Variants in PADI4 observed in about 807,000 individuals in gnomAD.
PADI4 encodes the protein protein-arginine deiminase type-4.
Under a neutral mutation model 75.0 loss-of-function variants are expected in PADI4, and 62 were observed. The observed-to-expected ratio is 0.83, with a 90% confidence interval of 0.67 to 1.02. PADI4 has a LOEUF of 1.02. Among genes scored for constraint, PADI4 ranks in the 50% least tolerant of loss-of-function variants. PADI4 has a pLI of 0.00. For synonymous variants in PADI4, 361 were observed against 348.1 expected (o/e 1.04, Z -0.41); for missense variants, 845 against 850.5 (o/e 0.99, Z 0.08).
At chr1:17,358,216 C>T (rs2074793498) in intron 13 of PADI4, among the ~76,000 whole-genome samples, 1 of 151,712 alleles carries the variant, frequency 6.6e-6, no homozygotes, top group African/African-American at 2.4e-5. Context: ...CTACTGCACT[C>T]CAGCCTGGGC....
At chr1:17,315,164 A>G (rs552683402) in intron 1 of PADI4, among the ~76,000 whole-genome samples, 2 of 152,298 alleles carry the variant, frequency 1.3e-5, no homozygotes, top group African/African-American at 4.8e-5. Context: ...GGAGTCCACA[A>G]GGGAACCCCA....
chr1:17,314,881 G>T (rs1182086735), intron 1 of PADI4, among the ~76,000 whole-genome samples: 1 of 152,254 alleles, frequency 6.6e-6, no homozygotes, highest in African/African-American at 2.4e-5. Context: ...TGCCCTGGCT[G>T]GCTGGTGTAG....
chr1:17,334,165 G>A (rs874882), intron 3 of PADI4, among the ~76,000 whole-genome samples, 156 bp downstream of exon 3: 83,706 of 151,994 alleles, frequency 0.55, 23,324 homozygotes, highest in East Asian at 0.59. Context: ...CTGGGAGTTC[G>A]AAATATTCCA....
intron 5 of PADI4, among the ~76,000 whole-genome samples, chr1:17,339,057 T>G (rs1012859482): frequency 4.6e-5 from 7 of 152,096 alleles, no homozygotes; most frequent in Non-Finnish European, 1.0e-4. Context: ...CATTCTACGG[T>G]GGGTACAACT....
intron 10 of PADI4, among the ~76,000 whole-genome samples, chr1:17,354,013 A>T (rs1570090369): frequency 6.6e-6 from 1 of 151,734 alleles, no homozygotes; most frequent in Non-Finnish European, 1.5e-5. Flanking sequence ...GTCGAGGCAG[A>T]TGGATCACTT....
Position 17,342,365 on chromosome 1 carries a change from C to T in PADI4, c.898C>T (p.Pro300Ser), listed in dbSNP as rs751869702. ...CCGCGTGGCGCCCTGGATCATGACC[C>T]CCAACACCCAGCCCCCGCAGGAGGT... ...VFRVAPWIMT[P>S]NTQPPQEVYA... is the part of the protein sequence containing the mutation. Residue 300 changes from proline (P) to serine (S), a missense_variant, in exon 8 of 16, where the codon CCC becomes TCC. Transcript: ENST00000375448. 1.2e-6 allele frequency: 2 copies of T among 1,613,908 alleles called. No homozygotes were observed. Among genetic ancestry groups the T allele is most frequent in the Admixed American group, 1.7e-5 (1 of 60,006 alleles).
Position 17,359,414 on chromosome 1 carries a change from G to C in PADI4, c.1758+6G>C. On this transcript the variant is annotated splice_donor_region_variant and intron_variant, in intron 15 of 15. Coordinates refer to ENST00000375448, the MANE Select transcript of PADI4 (RefSeq NM_012387.3). ...AAGCTTTTTTCCCCAACATGGTGAG[G>C]AGGTGGCGGCTTTAAAACCCCAGGG... The C allele has an allele frequency of 6.2e-7, 1 of 1,614,050 alleles. No homozygotes were observed. Among genetic ancestry groups the C allele is most frequent in the Non-Finnish European group, 8.5e-7 (1 of 1,179,974 alleles).
rs2074438840 is a variant in PADI4, at chr1:17,342,390, T to G, written c.923T>G (p.Val308Gly). 1 of 1,610,478 alleles carries G rather than the reference T, an allele frequency of 6.2e-7. No homozygotes were observed. Among genetic ancestry groups the G allele is most frequent in the African/African-American group, 1.3e-5 (1 of 74,718 alleles). The change falls in exon 8 of 16, where the codon GTG becomes GGG. Residue 308 changes from valine to glycine, a missense_variant. Transcript: ENST00000375448. ...MTPNTQPPQE[V>G]YACSIFENED... ...CCCAACACCCAGCCCCCGCAGGAGG[T>G]GTACGCGTGCAGGTGAGAGGTCCTG... is the stretch of plus-strand genomic sequence containing the variant.
intron 1 of PADI4, among the ~76,000 whole-genome samples, chr1:17,328,182 C>T (rs1414632266): frequency 6.6e-6 from 1 of 151,954 alleles, no homozygotes; most frequent in Non-Finnish European, 1.5e-5. Flanking sequence ...AGCCACCATA[C>T]CCAGCTAATT....
At position 17,340,050 on chromosome 1, in the gene PADI4, G is replaced by GCA. The variant is rs758140461; in HGVS notation, c.652+238_652+239insAC. 8.2e-3 allele frequency among the ~76,000 whole-genome samples: 1,221 copies of GCA among 148,720 alleles called. 11 individuals carry two copies. Among genetic ancestry groups the GCA allele is most frequent in the South Asian group, 0.016 (73 of 4,668 alleles). On this transcript the variant is annotated intron_variant, in intron 6 of 15. Transcript: ENST00000375448. ...CTTTCTCTCTCTCTCACACACGCGC[G>GCA]CGCACACACACACACACACACACAC...
rs2074382358 is a variant in PADI4, at chr1:17,339,785, G to A, written c.624G>A (p.Met208Ile). 3.1e-6 allele frequency: 5 copies of A among 1,611,892 alleles called. No individual in the cohort carries two copies. Among genetic ancestry groups the A allele is most frequent in the Non-Finnish European group, 4.2e-6 (5 of 1,178,960 alleles). ...TLVLHVARSE[M>I]DKVRVFQATR... ...TGCTCCACGTGGCCAGGTCTGAGAT[G>A]GACAAAGTGAGGGTGTTTCAGGCCA... Residue 208 changes from methionine (M) to isoleucine (I), a missense_variant, in exon 6 of 16, where the codon ATG becomes ATA. Transcript: ENST00000375448.
intron 15 of PADI4, among the ~76,000 whole-genome samples, chr1:17,361,603 A>G (rs2074849713): frequency 6.6e-6 from 1 of 152,224 alleles, no homozygotes; most frequent in Admixed American, 6.5e-5. Flanking sequence ...CTGTGCCTAC[A>G]TGTTCTTACC....
intron 15 of PADI4, among the ~76,000 whole-genome samples, chr1:17,361,493 G>A (rs527730670): frequency 2.6e-5 from 4 of 152,344 alleles, no homozygotes; most frequent in South Asian, 2.1e-4. Context: ...TGAACAGTAC[G>A]AGGCACTTAG....
intron 1 of PADI4, among the ~76,000 whole-genome samples, chr1:17,317,819 G>A (rs1233005700): frequency 6.6e-6 from 1 of 151,228 alleles, no homozygotes; most frequent in Non-Finnish European, 1.5e-5. Context: ...CCAGGAGTTC[G>A]AGACCAGCCT....
At chr1:17,352,011 G>GGTGGGAA (rs1491270703) in intron 10 of PADI4, among the ~76,000 whole-genome samples, 643 of 20,108 alleles carry the variant, frequency 0.032, 63 homozygotes, top group South Asian at 0.046. Context: ...GGTGATGGGA[G>GGTGGGAA]GAGAGGCGGC....
At chr1:17,338,840 G>T (rs1416008843) in intron 5 of PADI4, among the ~76,000 whole-genome samples, 2 of 152,178 alleles carry the variant, frequency 1.3e-5, no homozygotes, top group Non-Finnish European at 2.9e-5. Context: ...GCTCTGGCTG[G>T]CAGGCCTTCC....
At chr1:17,315,690 GGA>G (rs2073920799) in intron 1 of PADI4, among the ~76,000 whole-genome samples, 1 of 151,980 alleles carries the variant, frequency 6.6e-6, no homozygotes, top group African/African-American at 2.4e-5. Context: ...GAGTTCAACA[GGA>G]GAGAGAGAAG....
intron 1 of PADI4, among the ~76,000 whole-genome samples, chr1:17,316,878 C>T (rs1157803203): frequency 6.6e-6 from 1 of 152,024 alleles, no homozygotes; most frequent in Admixed American, 6.6e-5. Flanking sequence ...GGGGCAGAGC[C>T]TCAGTGTGCT....
intron 8 of PADI4, 64 bp from the exon 9 acceptor site, chr1:17,345,964 C>G: frequency 9.0e-7 from 1 of 1,107,996 alleles, no homozygotes; most frequent in Non-Finnish European, 1.4e-6. Context: ...GTGTCCCTCC[C>G]AATCCTTCCA....
Sources: gnomAD v4.1 joint callset for allele counts (sites outside exome capture counted in the v4.1 genomes callset) on GRCh38, gnomAD v4.1.1 for gene constraint, MANE v1.5 for transcripts, NCBI Gene and HGNC (gene_info 2026-07-23, HGNC 2026-07-21) for gene names.